DPP10: variants seen among roughly 807,000 people sequenced by gnomAD.
The protein encoded by DPP10 is dipeptidyl peptidase like 10.
Under a neutral mutation model 120.9 loss-of-function variants are expected in DPP10, and 33 were observed. The ratio of observed to expected loss-of-function variants is 0.27; its 90% CI spans 0.21 to 0.37. DPP10 has a LOEUF of 0.37. Among genes scored for constraint, DPP10 ranks in the 10% least tolerant of loss-of-function variants. DPP10 has a pLI of 1.00. For missense variants in DPP10, 816 were observed against 942.8 expected (o/e 0.87, Z 1.76); for synonymous variants, 337 against 326.1 (o/e 1.03, Z -0.36).
chr2:114,528,752 A>T (rs1685715803), intron 1 of DPP10, among the ~76,000 whole-genome samples: 1 of 151,704 alleles, frequency 6.6e-6, no homozygotes, highest in Admixed American at 6.6e-5. Context: ...CCTTTTTCTT[A>T]TATTTTCAGA....
At chr2:115,563,046 G>A (rs1012076103) in intron 5 of DPP10, among the ~76,000 whole-genome samples, 1 of 152,194 alleles carries the variant, frequency 6.6e-6, no homozygotes, top group African/African-American at 2.4e-5. Flanking sequence ...TATAATTCAT[G>A]GGTATGTATC....
chr2:115,654,585 G>C (rs2088116481), intron 5 of DPP10, among the ~76,000 whole-genome samples: 1 of 151,828 alleles, frequency 6.6e-6, no homozygotes, highest in Non-Finnish European at 1.5e-5. Flanking sequence ...AGGGATTGGG[G>C]TGGCTCTTGC....
At chr2:115,191,457 A>C (rs1354798675) in intron 1 of DPP10, among the ~76,000 whole-genome samples, 6 of 152,244 alleles carry the variant, frequency 3.9e-5, no homozygotes, top group Non-Finnish European at 7.3e-5. Flanking sequence ...TCCACAGGGT[A>C]TAACGAGGCA....
chr2:115,471,719 TG>T (rs1256720693), intron 3 of DPP10, among the ~76,000 whole-genome samples: 3 of 152,162 alleles, frequency 2.0e-5, no homozygotes, highest in Admixed American at 6.6e-5. Context: ...CCTGAGTAGC[TG>T]GGACCACAGG....
chr2:115,323,090 C>T (rs2062149659), intron 2 of DPP10, among the ~76,000 whole-genome samples: 1 of 152,178 alleles, frequency 6.6e-6, no homozygotes, highest in Non-Finnish European at 1.5e-5. Flanking sequence ...ATAGCATGCA[C>T]TGCTGTTTGA....
In DPP10 at chr2:115,617,272, T is replaced by TATATATATATATATATATA. The variant is rs58444943; in HGVS notation, c.442-72415_442-72414insATATATATATATATATATA. On this transcript the variant is annotated intron_variant, in intron 5 of 25. Coordinates refer to ENST00000410059, the MANE Select transcript of DPP10 (RefSeq NM_020868.6). ...GTATGTATGGGTATATATATATTTT[T>TATATATATATATATATATA]TATATATATATATATATACACACAT... is the stretch of plus-strand genomic sequence containing the variant. 4.6e-4 allele frequency among the ~76,000 whole-genome samples: 63 copies of TATATATATATATATATATA among 135,838 alleles called. 1 individual carries two copies. Among genetic ancestry groups the TATATATATATATATATATA allele is most frequent in the African/African-American group, 1.6e-3 (58 of 36,356 alleles). 89.1% of individuals were successfully genotyped at this position (135,838 alleles called of 152,430 possible).
intron 2 of DPP10, among the ~76,000 whole-genome samples, chr2:115,322,426 G>C (rs1186188889): frequency 6.6e-6 from 1 of 152,050 alleles, no homozygotes; most frequent in Non-Finnish European, 1.5e-5. Flanking sequence ...TGGAGGCTAG[G>C]AGAAATAAAA....
intron 5 of DPP10, among the ~76,000 whole-genome samples, chr2:115,599,009 CT>C (rs1202751522): frequency 1.3e-5 from 2 of 151,878 alleles, no homozygotes; most frequent in South Asian, 4.1e-4. Context: ...TCCCTGCTCT[CT>C]TTTGTTCTTC....
intron 3 of DPP10, among the ~76,000 whole-genome samples, chr2:115,390,573 A>G (rs2067250828): frequency 6.6e-6 from 1 of 152,104 alleles, no homozygotes; most frequent in Admixed American, 6.6e-5. Flanking sequence ...TTATTTTTCT[A>G]CTATTTTTCT....
At chr2:115,830,112 T>C (rs1190345482) in intron 21 of DPP10, among the ~76,000 whole-genome samples, 1 of 152,184 alleles carries the variant, frequency 6.6e-6, no homozygotes, top group East Asian at 1.9e-4. Context: ...TCCCAGCACT[T>C]TGGGAGGCCA....
At position 114,942,298 on chromosome 2, in the gene DPP10, C is replaced by CATATATATATATAT. The variant is rs752991108; in HGVS notation, c.61-366931_61-366918dup. Among the ~76,000 whole-genome samples, 236 of 104,628 alleles carry CATATATATATATAT rather than the reference C, an allele frequency of 2.3e-3. 2 individuals carry two copies. The highest frequency in any genetic ancestry group is 8.8e-3 in the African/African-American group (223 of 25,210). 68.6% of individuals were successfully genotyped at this position (104,628 alleles called of 152,430 possible). A position where few individuals can be genotyped will look rare whatever the true frequency, so the allele number is the denominator to read the frequency against. On this transcript the variant is annotated intron_variant, in intron 1 of 25. Coordinates refer to ENST00000410059, the MANE Select transcript of DPP10 (RefSeq NM_020868.6). ...AAAAAAAAAAATGTGTATATATATA[C>CATATATATATATAT]ATATATATATATATATATATATACA...
At chr2:115,515,394 T>C (rs2077450077) in intron 4 of DPP10, among the ~76,000 whole-genome samples, 2 of 151,992 alleles carry the variant, frequency 1.3e-5, no homozygotes, top group Admixed American at 6.6e-5. Context: ...ATTTTCAATT[T>C]GGCTGATAAA....
chr2:115,141,306 C>T (rs1350935696), intron 1 of DPP10, among the ~76,000 whole-genome samples: 1 of 152,092 alleles, frequency 6.6e-6, no homozygotes, highest in Non-Finnish European at 1.5e-5. Context: ...GCAATTTAGG[C>T]AGGGAGGAAA....
chr2:115,365,573 T>G (rs775520333), intron 3 of DPP10, among the ~76,000 whole-genome samples: 46 of 152,100 alleles, frequency 3.0e-4, no homozygotes, highest in Non-Finnish European at 2.2e-4. Flanking sequence ...TGAAAGTATT[T>G]TTTTTTCTCC....
chr2:114,788,764 A>T (rs902496042), intron 1 of DPP10, among the ~76,000 whole-genome samples: 1 of 152,174 alleles, frequency 6.6e-6, no homozygotes, highest in Non-Finnish European at 1.5e-5. Context: ...AAAAAAGTTT[A>T]CTTTCGTGTG....
chr2:114,964,817 T>C lies in DPP10; in HGVS notation c.61-344422T>C, dbSNP rs150620357. On this transcript the variant is annotated intron_variant, in intron 1 of 25. Coordinates refer to ENST00000410059, the MANE Select transcript of DPP10 (RefSeq NM_020868.6). ...AGCTAGGCAACTCAGTTTGTTACAT[T>C]GAGAATAGACAGAAGAGAACCGATG... is the stretch of plus-strand genomic sequence containing the variant. 5.8e-3 allele frequency among the ~76,000 whole-genome samples: 882 copies of C among 152,266 alleles called. 9 individuals are homozygous for C. The highest frequency in any genetic ancestry group is 0.02 in the African/African-American group (838 of 41,548).
chr2:115,310,320 G>T (rs1436392105), intron 2 of DPP10, among the ~76,000 whole-genome samples: 1 of 152,048 alleles, frequency 6.6e-6, no homozygotes, highest in Non-Finnish European at 1.5e-5. Context: ...ATTTCCTGAT[G>T]TACAAAATAT....
chr2:114,959,212 G>A lies in DPP10; in HGVS notation c.61-350027G>A, dbSNP rs1046828541. On this transcript the variant is annotated intron_variant, in intron 1 of 25. Coordinates refer to ENST00000410059, the MANE Select transcript of DPP10 (RefSeq NM_020868.6). ...TTATTGTGATAAATTTACATTTTAT[G>A]TAATGACCAATTTAAAGTGTACAAT... Among the ~76,000 whole-genome samples, 7 of 152,100 alleles carry A rather than the reference G, an allele frequency of 4.6e-5. No homozygotes were observed. The East Asian group carries it at 9.6e-4, about 21-fold the overall frequency.
At chr2:114,879,139 T>A (rs1243504586) in intron 1 of DPP10, among the ~76,000 whole-genome samples, 1 of 152,104 alleles carries the variant, frequency 6.6e-6, no homozygotes, top group African/African-American at 2.4e-5. Flanking sequence ...AAATTCTTTT[T>A]TTTTTTTCAT....
Sources: allele counts gnomAD v4.1 joint callset (sites outside exome capture counted in the v4.1 genomes callset), GRCh38; gene constraint gnomAD v4.1.1; transcripts MANE v1.5; gene names NCBI Gene and HGNC (gene_info 2026-07-23, HGNC 2026-07-21).